The following IGFL2 variants were observed in gnomAD, a reference collection of about 807,000 sequenced individuals.
IGFL2 encodes IGF like family member 2, also known as insulin growth factor-like family member 2.
In IGFL2, 7 loss-of-function variants were observed where a neutral mutation model predicts 13.9. The ratio of observed to expected loss-of-function variants is 0.51; its 90% CI spans 0.29 to 0.95. IGFL2 has a LOEUF of 0.95. Among genes scored for constraint, IGFL2 ranks in the 40% least tolerant of loss-of-function variants. IGFL2 has a pLI of 0.08. For synonymous variants in IGFL2, 55 were observed against 55.8 expected, an observed-to-expected ratio of 0.99 and a Z score of 0.07; for missense variants, 138 against 147.8, an observed-to-expected ratio of 0.93 and a Z score of 0.34.
At chr19:46,126,051 G>T in the IGFL2 span, among the ~76,000 whole-genome samples, 1 of 151,978 alleles carries the variant, frequency 6.6e-6, no homozygotes. Flanking sequence ...TCCTTATGTT[G>T]TATCTCATTA....
chr19:46,086,793 C>G, the IGFL2 span, among the ~76,000 whole-genome samples: 1 of 151,922 alleles, frequency 6.6e-6, no homozygotes, highest in Non-Finnish European at 1.5e-5. Context: ...GGATTTTTTT[C>G]CTGAAGTTGT....
At chr19:46,160,974 C>T (rs1317600298) in intron 3 of IGFL2, 93 bp downstream of exon 3, 5 of 1,543,164 alleles carry the variant, frequency 3.2e-6, no homozygotes, top group Non-Finnish European at 4.5e-6. Flanking sequence ...TTTGAAGAGC[C>T]CTGGCCCTGT....
chr19:46,183,470 C>T, the IGFL2 span, among the ~76,000 whole-genome samples: 1 of 151,932 alleles, frequency 6.6e-6, no homozygotes, highest in African/African-American at 2.4e-5. Flanking sequence ...GCCTACCCCT[C>T]CCAGTCTCTC....
At chr19:46,154,594 C>T (rs1353224433) in intron 1 of IGFL2, among the ~76,000 whole-genome samples, 2 of 152,214 alleles carry the variant, frequency 1.3e-5, no homozygotes, top group East Asian at 3.9e-4. Context: ...CAGGCACCCA[C>T]CACCACGCCT....
At position 46,161,090 on chromosome 19, in the gene IGFL2, A is replaced by G. The variant is rs759774068; in HGVS notation, c.*2A>G. 127 of 1,587,092 alleles carry G rather than the reference A, an allele frequency of 8.0e-5. No homozygotes were observed. The highest frequency in any genetic ancestry group is 1.0e-4 in the Non-Finnish European group (119 of 1,164,410). On this transcript the variant is annotated 3_prime_UTR_variant, in exon 4 of 4. Transcript: ENST00000377693. ...TGTAGCAGAAGACGTTTTCCCTGAG[A>G]AGACATAGAAAGAAAATCAACTTTC...
At chr19:46,120,063 C>T in the IGFL2 span, 31 of 500,948 alleles carry the variant, frequency 6.2e-5, 1 homozygote, top group East Asian at 1.2e-4. Flanking sequence ...GTTGCATGAA[C>T]GAATTGAAGA....
chr19:46,132,667 A>C, the IGFL2 span, among the ~76,000 whole-genome samples: 1 of 141,066 alleles, frequency 7.1e-6, no homozygotes, highest in Admixed American at 7.2e-5. Context: ...CGATAGAGGG[A>C]GAGAGGGAGG....
At chr19:46,162,590 T>A (rs1216380297), downstream of IGFL2, among the ~76,000 whole-genome samples, 1 of 152,252 alleles carries the variant, frequency 6.6e-6, no homozygotes, top group East Asian at 1.9e-4. Context: ...TATTCTACTG[T>A]TAATACTTGT....
At chr19:46,147,435 T>C (rs1052813480), upstream of IGFL2, among the ~76,000 whole-genome samples, 8 of 152,350 alleles carry the variant, frequency 5.3e-5, no homozygotes, top group African/African-American at 1.7e-4. Context: ...TAGCTCACTT[T>C]ATCTATTCTT....
the IGFL2 span, among the ~76,000 whole-genome samples, chr19:46,192,423 C>CTT: frequency 1.4e-5 from 2 of 142,382 alleles, no homozygotes; most frequent in African/African-American, 2.6e-5. Context: ...CATTCTTTTG[C>CTT]TTTTTTTTTT....
chr19:46,172,586 G>A, the IGFL2 span, among the ~76,000 whole-genome samples: 3 of 152,190 alleles, frequency 2.0e-5, no homozygotes, highest in Non-Finnish European at 4.4e-5. Flanking sequence ...TGAGTAGCTG[G>A]GATTACAGGC....
the IGFL2 span, among the ~76,000 whole-genome samples, chr19:46,110,175 T>C: frequency 5.9e-5 from 9 of 152,334 alleles, no homozygotes; most frequent in Middle Eastern, 6.8e-3. Flanking sequence ...TATGAACCTG[T>C]CACTGTTTGA....
the IGFL2 span, among the ~76,000 whole-genome samples, chr19:46,129,513 C>A: frequency 1.2e-4 from 18 of 152,168 alleles, 1 homozygote; most frequent in South Asian, 3.7e-3. Context: ...ATAAATTTCC[C>A]TCTTACTCCT....
chr19:46,119,358 A>G, the IGFL2 span, among the ~76,000 whole-genome samples: 1 of 152,152 alleles, frequency 6.6e-6, no homozygotes, highest in Non-Finnish European at 1.5e-5. Context: ...GCTATCTCCC[A>G]TGCCACACCA....
At chr19:46,204,956 T>C in the IGFL2 span, 1 of 151,712 alleles carries the variant, frequency 6.6e-6, no homozygotes, top group African/African-American at 2.4e-5. Context: ...TTTTTTTTTT[T>C]TTGTAGTTTT....
rs1973770737 is a variant in IGFL2, at chr19:46,155,469, A to G, written c.20-4946A>G. Among the ~76,000 whole-genome samples, 11 of 152,292 alleles carry G rather than the reference A, an allele frequency of 7.2e-5. 1 individual carries two copies. The South Asian group carries it at 2.3e-3, about 32-fold the overall frequency. ...ATACAGATTGAGTGGAATTTCTTGAATAAACATTTCTTTATTTGCTGTATG... is the reference window on the plus strand; with the variant it reads ...ATACAGATTGAGTGGAATTTCTTGAGTAAACATTTCTTTATTTGCTGTATG... On this transcript the variant is annotated intron_variant, in intron 1 of 3. Coordinates refer to ENST00000377693, the MANE Select transcript of IGFL2 (RefSeq NM_001135113.2).
chr19:46,116,026 G>C, the IGFL2 span, among the ~76,000 whole-genome samples: 1 of 151,990 alleles, frequency 6.6e-6, no homozygotes. Context: ...TTTTCCTTTT[G>C]TTGATGTTAT....
chr19:46,106,282 C>G, the IGFL2 span, among the ~76,000 whole-genome samples: 2 of 152,082 alleles, frequency 1.3e-5, no homozygotes, highest in African/African-American at 4.8e-5. Flanking sequence ...GGAGGGTGCC[C>G]TGTTGGGAAG....
chr19:46,189,109 G>A, the IGFL2 span: 1,254 of 161,828 alleles, frequency 7.7e-3, 18 homozygotes, highest in African/African-American at 0.027. Flanking sequence ...GCCAGGCTGC[G>A]CTGTTATTTA....
Sources: allele counts gnomAD v4.1 joint callset (sites outside exome capture counted in the v4.1 genomes callset), GRCh38; gene constraint gnomAD v4.1.1; transcripts MANE v1.5; gene names NCBI Gene and HGNC (gene_info 2026-07-23, HGNC 2026-07-21).